Variants in CTTNBP2 observed in about 807,000 individuals in gnomAD.
CTTNBP2 encodes cortactin-binding protein 2.
In CTTNBP2, 108 loss-of-function variants were observed where a neutral mutation model predicts 156.9. The observed-to-expected ratio is 0.69, with a 90% CI of 0.59 to 0.81. The LOEUF (loss-of-function observed/expected upper bound fraction) is 0.81, where lower values mean the gene tolerates loss of function less well. Among genes scored for constraint, CTTNBP2 ranks in the 30% least tolerant of loss-of-function variants. CTTNBP2 has a pLI of 0.00. For synonymous variants in CTTNBP2, 767 were observed against 751.8 expected (o/e 1.02, Z -0.33); for missense variants, 1,924 against 2,035.4 (o/e 0.95, Z 1.05).
chr7:117,799,133 C>A (rs1799475861), intron 3 of CTTNBP2, among the ~76,000 whole-genome samples: 1 of 151,776 alleles, frequency 6.6e-6, no homozygotes, highest in East Asian at 1.9e-4. Flanking sequence ...CAAACTTACA[C>A]CCTTTCAGAA....
chr7:117,749,859 C>T (rs1247056983), intron 12 of CTTNBP2, among the ~76,000 whole-genome samples: 3 of 152,024 alleles, frequency 2.0e-5, no homozygotes, highest in African/African-American at 7.2e-5. Flanking sequence ...AGAGAGATTT[C>T]AGTTCTATTT....
Position 117,756,613 on chromosome 7 carries a change from C to A in CTTNBP2, c.3290G>T (p.Ser1097Ile), listed in dbSNP as rs1796898244. ...LLSGPQEGCL[S>I]SVTYASMIPL... ...GATCATGGAGGCATAAGTCACACTA[C>A]TGAGACAGCCTTCTTGAGGACCTGT... The change falls in exon 12 of 23, where the codon AGT becomes ATT. Residue 1097 changes from serine (S) to isoleucine (I), a missense_variant. Ser to Ile is a moderately radical substitution (Grantham distance 142). Transcript: ENST00000160373. 1.2e-6 allele frequency: 2 copies of A among 1,613,386 alleles called. No homozygotes were observed. The highest frequency in any genetic ancestry group is 1.7e-6 in the Non-Finnish European group (2 of 1,179,334).
At chr7:117,833,366 T>C (rs768615864) in intron 2 of CTTNBP2, among the ~76,000 whole-genome samples, 1 of 152,210 alleles carries the variant, frequency 6.6e-6, no homozygotes, top group Admixed American at 6.5e-5. Flanking sequence ...TCTCTGAGAA[T>C]AAAAACGTCT....
chr7:117,760,157 C>A (rs931455234), intron 10 of CTTNBP2: 3 of 452,244 alleles, frequency 6.6e-6, no homozygotes, highest in African/African-American at 3.9e-5. Flanking sequence ...TAGTTTCTTG[C>A]ATTTATCTAG....
chr7:117,795,428 A>G lies in CTTNBP2; in HGVS notation c.415-2647T>C, dbSNP rs141623501. 4.4e-3 allele frequency among the ~76,000 whole-genome samples: 669 copies of G among 152,344 alleles called. 7 individuals carry two copies. Among genetic ancestry groups the G allele is most frequent in the African/African-American group, 0.015 (629 of 41,588 alleles). ...ACATAAACTAGGCCAGTTTTCCGCT[A>G]TTAAAATACAAATTTCATCATTTGC... On this transcript the variant is annotated intron_variant, in intron 3 of 22. Coordinates refer to ENST00000160373, the MANE Select transcript of CTTNBP2 (RefSeq NM_033427.3).
intron 2 of CTTNBP2, among the ~76,000 whole-genome samples, chr7:117,841,081 C>T (rs1375286224): frequency 6.6e-6 from 1 of 152,050 alleles, no homozygotes. Flanking sequence ...TTAACTTAAA[C>T]AACATATTTA....
intron 4 of CTTNBP2, among the ~76,000 whole-genome samples, chr7:117,790,023 A>G (rs1798906034): frequency 6.6e-6 from 1 of 152,202 alleles, no homozygotes; most frequent in Admixed American, 6.5e-5. Context: ...ATATGATGCT[A>G]TTTGCTTTTC....
intron 10 of CTTNBP2, among the ~76,000 whole-genome samples, chr7:117,758,748 C>T (rs1011592342): frequency 4.6e-5 from 7 of 152,214 alleles, no homozygotes; most frequent in Non-Finnish European, 8.8e-5. Flanking sequence ...GAAGTGGTTA[C>T]AGCGAGGCAC....
At chr7:117,717,548 CCTACTCTG>C (rs1794489554) in intron 22 of CTTNBP2, among the ~76,000 whole-genome samples, 1 of 152,116 alleles carries the variant, frequency 6.6e-6, no homozygotes, top group Non-Finnish European at 1.5e-5. Flanking sequence ...CTTGCACCAT[CCTACTCTG>C]TTCTGCCCTG....
intron 5 of CTTNBP2, among the ~76,000 whole-genome samples, chr7:117,783,467 A>T (rs1019933910): frequency 4.6e-5 from 7 of 152,242 alleles, no homozygotes; most frequent in Non-Finnish European, 7.3e-5. Context: ...GCTAAAGGAC[A>T]GCCCATCGAA....
intron 2 of CTTNBP2, among the ~76,000 whole-genome samples, chr7:117,821,867 G>A (rs1800989981): frequency 6.6e-6 from 1 of 152,096 alleles, no homozygotes. Flanking sequence ...TGGGATTACA[G>A]GCGTGAGCCA....
At chr7:117,732,524 C>T (rs897641828) in intron 16 of CTTNBP2, among the ~76,000 whole-genome samples, 1 of 151,746 alleles carries the variant, frequency 6.6e-6, no homozygotes, top group African/African-American at 2.4e-5. Flanking sequence ...GTGGCGGGCG[C>T]CTGTAGTTCC....
intron 7 of CTTNBP2, among the ~76,000 whole-genome samples, chr7:117,778,784 A>G (rs1798248434): frequency 6.6e-6 from 1 of 152,162 alleles, no homozygotes; most frequent in Admixed American, 6.5e-5. Context: ...AATTTTTCAT[A>G]AAAGAACCTG....
intron 2 of CTTNBP2, among the ~76,000 whole-genome samples, chr7:117,840,081 A>G (rs1366158598): frequency 1.3e-5 from 2 of 152,224 alleles, no homozygotes; most frequent in Non-Finnish European, 2.9e-5. Flanking sequence ...ACCTGTTCAT[A>G]CAATCCACAA....
At chr7:117,787,337 G>C (rs1206958577) in intron 4 of CTTNBP2, among the ~76,000 whole-genome samples, 2 of 152,192 alleles carry the variant, frequency 1.3e-5, no homozygotes, top group African/African-American at 4.8e-5. Flanking sequence ...AGGAGGAAGG[G>C]AATGACTGGA....
chr7:117,718,272 T>TTCAAG (rs1562948000), intron 21 of CTTNBP2, among the ~76,000 whole-genome samples, 153 bp from the exon 22 acceptor site: 1 of 152,100 alleles, frequency 6.6e-6, no homozygotes. Flanking sequence ...AAAGAAAGAC[T>TTCAAG]TCAAGTCTTA....
Position 117,734,956 on chromosome 7 carries a change from T to C in CTTNBP2, c.3833A>G (p.Gln1278Arg), listed in dbSNP as rs762012037. Residue 1278 changes from glutamine (Q) to arginine (R), a missense_variant, in exon 16 of 23, where the codon CAA becomes CGA. Coordinates refer to ENST00000160373, the MANE Select transcript of CTTNBP2 (RefSeq NM_033427.3). ...VQLRWDGEPM[Q>R]GLLQRFLRRK... Reference sequence around the variant, plus strand: ...TCGTAAGAACCTCTGCAGCAGTCCTTGCATGGGCTCGCCATCCCACCGCAG... The same window carrying C: ...TCGTAAGAACCTCTGCAGCAGTCCTCGCATGGGCTCGCCATCCCACCGCAG... 4 of 1,612,932 alleles carry C rather than the reference T, an allele frequency of 2.5e-6. No individual in the cohort carries two copies. The highest frequency in any genetic ancestry group is 2.5e-6 in the Non-Finnish European group (3 of 1,179,156).
At chr7:117,769,985 A>C (rs1797717796) in intron 8 of CTTNBP2, among the ~76,000 whole-genome samples, 2 of 152,210 alleles carry the variant, frequency 1.3e-5, no homozygotes, top group South Asian at 4.1e-4. Flanking sequence ...GGGTAATGTG[A>C]CTTAAATGAA....
At chr7:117,748,898 A>C (rs892299499) in intron 12 of CTTNBP2, among the ~76,000 whole-genome samples, 2 of 152,200 alleles carry the variant, frequency 1.3e-5, no homozygotes, top group Non-Finnish European at 2.9e-5. Flanking sequence ...GCCCTTACAA[A>C]TGAGGCTAAG....
Sources: allele counts gnomAD v4.1 joint callset (sites outside exome capture counted in the v4.1 genomes callset), GRCh38; gene constraint gnomAD v4.1.1; transcripts MANE v1.5; gene names NCBI Gene and HGNC (gene_info 2026-07-23, HGNC 2026-07-21).